SLIT3: variants seen among roughly 807,000 people sequenced by gnomAD.
SLIT3 encodes the protein slit homolog 3 protein.
SLIT3 carries 68 observed loss-of-function variants against 184.0 expected under a neutral mutation model. The ratio of observed to expected loss-of-function variants is 0.37; its 90% CI spans 0.30 to 0.45. The LOEUF (loss-of-function observed/expected upper bound fraction) is 0.45, where lower values mean the gene tolerates loss of function less well. Among genes scored for constraint, SLIT3 ranks in the 20% least tolerant of loss-of-function variants. SLIT3 has a pLI of 1.00. For synonymous variants in SLIT3, 831 were observed against 828.6 expected (o/e 1.00, Z -0.05); for missense variants, 1,707 against 2,026.0 (o/e 0.84, Z 3.02).
At chr5:169,192,093 G>A (rs1052576653) in intron 4 of SLIT3, among the ~76,000 whole-genome samples, 13 of 152,150 alleles carry the variant, frequency 8.5e-5, no homozygotes, top group Non-Finnish European at 1.5e-4. Context: ...TACAAACCAG[G>A]GTGTTTCTGG....
At chr5:169,053,013 G>A (rs898056426) in intron 4 of SLIT3, among the ~76,000 whole-genome samples, 2 of 152,198 alleles carry the variant, frequency 1.3e-5, no homozygotes, top group Non-Finnish European at 2.9e-5. Context: ...TTGAGCTATC[G>A]GCACCGGATG....
At chr5:168,691,309 A>C (rs1390220158) in intron 29 of SLIT3, among the ~76,000 whole-genome samples, 1 of 152,204 alleles carries the variant, frequency 6.6e-6, no homozygotes, top group Non-Finnish European at 1.5e-5. Context: ...CAAGTTTCAG[A>C]GATTCTATGA....
intron 4 of SLIT3, among the ~76,000 whole-genome samples, chr5:169,005,369 C>T (rs1755880024): frequency 6.6e-6 from 1 of 152,172 alleles, no homozygotes; most frequent in Admixed American, 6.6e-5. Context: ...AATCTAACGT[C>T]CGCATTATGG....
At chr5:169,262,000 A>G (rs1212419016) in intron 1 of SLIT3, among the ~76,000 whole-genome samples, 2 of 152,190 alleles carry the variant, frequency 1.3e-5, no homozygotes, top group African/African-American at 4.8e-5. Context: ...GCCTTCTAAT[A>G]GACTGCAAGG....
chr5:169,040,589 A>G (rs963984973), intron 4 of SLIT3, among the ~76,000 whole-genome samples: 4 of 152,114 alleles, frequency 2.6e-5, no homozygotes, highest in Admixed American at 2.6e-4. Context: ...AGTGTAGAAC[A>G]TGATTGTGAT....
At chr5:168,931,869 C>T (rs1581221605) in intron 4 of SLIT3, among the ~76,000 whole-genome samples, 2 of 152,158 alleles carry the variant, frequency 1.3e-5, no homozygotes, top group Non-Finnish European at 2.9e-5. Context: ...ACTTTAGTAG[C>T]TCCCTAGAGA....
At chr5:169,264,706 C>T (rs145860584) in intron 1 of SLIT3, among the ~76,000 whole-genome samples, 15 of 152,324 alleles carry the variant, frequency 9.8e-5, no homozygotes, top group South Asian at 2.1e-4. Flanking sequence ...TTATAGGGCT[C>T]CCATCTCATG....
intron 4 of SLIT3, among the ~76,000 whole-genome samples, chr5:169,011,270 G>A (rs1269628818): frequency 2.0e-5 from 3 of 152,128 alleles, no homozygotes; most frequent in Non-Finnish European, 4.4e-5. Context: ...TGGCGTGTCC[G>A]ACTCCACATT....
intron 30 of SLIT3, 82 bp from the exon 31 acceptor site, chr5:168,686,009 C>T (rs959899665): frequency 6.2e-5 from 90 of 1,451,738 alleles, no homozygotes; most frequent in Middle Eastern, 1.9e-4. Flanking sequence ...CAAAGAACCT[C>T]GAGCAGAGAG....
At chr5:168,945,717 G>A (rs1375332097) in intron 4 of SLIT3, among the ~76,000 whole-genome samples, 1 of 152,166 alleles carries the variant, frequency 6.6e-6, no homozygotes. Flanking sequence ...ACTGCTTTAG[G>A]GCTAAACTCG....
intron 14 of SLIT3, chr5:168,768,255 CAG>C (rs1347088992): frequency 2.0e-6 from 1 of 507,962 alleles, no homozygotes; most frequent in Non-Finnish European, 4.1e-6. Context: ...AGCGACTGGT[CAG>C]AGTCAAGGTC....
At chr5:168,996,196 T>A (rs559113870) in intron 4 of SLIT3, among the ~76,000 whole-genome samples, 2 of 152,270 alleles carry the variant, frequency 1.3e-5, no homozygotes, top group South Asian at 4.2e-4. Context: ...CTTTGCCCTT[T>A]CAGAGGGAGA....
At chr5:168,879,190 G>A (rs1183848780) in intron 5 of SLIT3, among the ~76,000 whole-genome samples, 1 of 152,224 alleles carries the variant, frequency 6.6e-6, no homozygotes, top group Non-Finnish European at 1.5e-5. Context: ...TTTGAAGCTG[G>A]ATATGCCAGC....
At chr5:168,983,679 A>G (rs990058531) in intron 4 of SLIT3, among the ~76,000 whole-genome samples, 10 of 152,222 alleles carry the variant, frequency 6.6e-5, no homozygotes, top group Admixed American at 2.6e-4. Flanking sequence ...TAAATTATAA[A>G]GCATTTAGAA....
intron 26 of SLIT3, 56 bp from the exon 27 acceptor site, chr5:168,700,735 G>A (rs1762190475): frequency 8.3e-6 from 11 of 1,319,662 alleles, no homozygotes; most frequent in African/African-American, 2.9e-5. Context: ...GGGCTGCCAT[G>A]GCCCAGGGGA....
intron 5 of SLIT3, among the ~76,000 whole-genome samples, chr5:168,871,195 A>G (rs1261864418): frequency 2.0e-5 from 3 of 152,078 alleles, no homozygotes; most frequent in African/African-American, 7.2e-5. Context: ...CTCTGCTTCC[A>G]GCACATGTCT....
chr5:169,161,651 C>CT (rs527835135), intron 4 of SLIT3, among the ~76,000 whole-genome samples: 38,859 of 140,654 alleles, frequency 0.28, 7,007 homozygotes, highest in African/African-American at 0.53. Context: ...ATAAAACAGT[C>CT]TTTTTTTTTT....
At chr5:169,205,125 A>C (rs2113496969) in intron 3 of SLIT3, among the ~76,000 whole-genome samples, 1 of 152,338 alleles carries the variant, frequency 6.6e-6, no homozygotes, top group African/African-American at 2.4e-5. Context: ...GGCCTCATTA[A>C]GCGGGTGAGG....
intron 14 of SLIT3, among the ~76,000 whole-genome samples, chr5:168,765,163 C>A (rs1428953722): frequency 1.3e-5 from 2 of 152,190 alleles, no homozygotes; most frequent in African/African-American, 2.4e-5. Flanking sequence ...TGAAGGCGTG[C>A]ACCGGCTGGG....
Sources: allele counts gnomAD v4.1 joint callset (sites outside exome capture counted in the v4.1 genomes callset), GRCh38; gene constraint gnomAD v4.1.1; transcripts MANE v1.5; gene names NCBI Gene and HGNC (gene_info 2026-07-23, HGNC 2026-07-21).